LINGO2: variants seen among roughly 807,000 people sequenced by gnomAD.
The protein encoded by LINGO2 is leucine-rich repeat and immunoglobulin-like domain-containing nogo receptor-interacting protein 2.
Under a neutral mutation model 30.6 loss-of-function variants are expected in LINGO2, and 14 were observed. The observed-to-expected ratio is 0.46, with a 90% CI of 0.30 to 0.72. The LOEUF (loss-of-function observed/expected upper bound fraction) is 0.72, where lower values mean the gene tolerates loss of function less well. LINGO2 is among the 30% of genes least tolerant of loss of function. LINGO2 has a pLI of 0.07. For synonymous variants in LINGO2, 317 were observed against 288.5 expected (o/e 1.10, Z -1.00); for missense variants, 729 against 751.7 (o/e 0.97, Z 0.35).
the LINGO2 span, among the ~76,000 whole-genome samples, chr9:29,070,273 A>G: frequency 6.6e-6 from 1 of 152,152 alleles, no homozygotes; most frequent in African/African-American, 2.4e-5. Flanking sequence ...TCTACTGCCC[A>G]GTTAGATCTT....
the LINGO2 span, among the ~76,000 whole-genome samples, chr9:29,075,307 C>G: frequency 6.6e-6 from 1 of 152,074 alleles, no homozygotes; most frequent in African/African-American, 2.4e-5. Context: ...TAAGTGACAT[C>G]CAAGGTTTAA....
the LINGO2 span, among the ~76,000 whole-genome samples, chr9:29,147,684 A>G: frequency 5.3e-5 from 8 of 152,088 alleles, no homozygotes; most frequent in Non-Finnish European, 1.2e-4. Context: ...CTAGCTTGAT[A>G]AATTTGATAT....
intron 4 of LINGO2, among the ~76,000 whole-genome samples, chr9:28,048,238 G>A (rs1199609985): frequency 6.6e-6 from 1 of 150,844 alleles, no homozygotes; most frequent in Non-Finnish European, 1.5e-5. Flanking sequence ...ATAATCCACA[G>A]AAGAAACTCG....
the LINGO2 span, among the ~76,000 whole-genome samples, chr9:28,888,002 A>G: frequency 6.6e-6 from 1 of 152,126 alleles, no homozygotes. Context: ...TGTTTTGAAG[A>G]TAACATTTTG....
the LINGO2 span, among the ~76,000 whole-genome samples, chr9:29,001,211 G>A: frequency 8.6e-5 from 13 of 151,806 alleles, no homozygotes; most frequent in South Asian, 6.2e-4. Flanking sequence ...ATGAGATCTC[G>A]TTGTAGCCTT....
the LINGO2 span, among the ~76,000 whole-genome samples, chr9:28,707,250 GCC>G: frequency 6.6e-6 from 1 of 152,028 alleles, no homozygotes; most frequent in Admixed American, 6.6e-5. Context: ...AACTAGGAGG[GCC>G]CTAATAGAAT....
At chr9:28,701,439 G>A in the LINGO2 span, among the ~76,000 whole-genome samples, 16 of 151,678 alleles carry the variant, frequency 1.1e-4, no homozygotes, top group East Asian at 5.8e-4. Context: ...TTGTCTTTGC[G>A]CCTTAGTAAA....
chr9:28,040,807 A>AG (rs1308294614), intron 4 of LINGO2, among the ~76,000 whole-genome samples: 1 of 152,178 alleles, frequency 6.6e-6, no homozygotes, highest in Admixed American at 6.5e-5. Context: ...TTTTGAACCC[A>AG]GGGGTGTCTG....
chr9:28,746,879 G>A, the LINGO2 span, among the ~76,000 whole-genome samples: 3 of 151,842 alleles, frequency 2.0e-5, no homozygotes, highest in Non-Finnish European at 2.9e-5. Flanking sequence ...CTTACTTTAC[G>A]CCTTTGTGAA....
the LINGO2 span, among the ~76,000 whole-genome samples, chr9:29,089,611 T>A: frequency 9.3e-4 from 142 of 152,238 alleles, no homozygotes; most frequent in African/African-American, 3.2e-3. Flanking sequence ...TTTGAGGTCT[T>A]TGGCTTAATG....
chr9:28,410,159 CAGAGAA>C (rs200633846), intron 2 of LINGO2, among the ~76,000 whole-genome samples: 3,717 of 149,272 alleles, frequency 0.025, 82 homozygotes, highest in Middle Eastern at 0.042. Flanking sequence ...GAAAAAGTAA[CAGAGAA>C]AGAGAAAGAG....
chr9:27,968,772 A>T (rs2118718640), intron 5 of LINGO2, among the ~76,000 whole-genome samples: 2 of 152,022 alleles, frequency 1.3e-5, no homozygotes, highest in South Asian at 4.1e-4. Flanking sequence ...TAGCCACATT[A>T]TAAAGTTAGG....
chr9:28,239,538 T>A (rs192393951), intron 4 of LINGO2, among the ~76,000 whole-genome samples: 1 of 152,096 alleles, frequency 6.6e-6, no homozygotes, highest in Non-Finnish European at 1.5e-5. Context: ...ACAAAAACCA[T>A]AGATCATTTC....
chr9:28,637,864 A>T (rs945066806), intron 1 of LINGO2, among the ~76,000 whole-genome samples: 1 of 152,104 alleles, frequency 6.6e-6, no homozygotes, highest in Non-Finnish European at 1.5e-5. Context: ...CTATGTTGAA[A>T]AGGAATGGTG....
At chr9:29,126,076 A>G in the LINGO2 span, among the ~76,000 whole-genome samples, 1 of 152,244 alleles carries the variant, frequency 6.6e-6, no homozygotes, top group South Asian at 2.1e-4. Context: ...TTTTGGAACT[A>G]CTTTACCTCT....
chr9:28,143,472 G>A (rs1827730483), intron 4 of LINGO2, among the ~76,000 whole-genome samples: 1 of 152,134 alleles, frequency 6.6e-6, no homozygotes. Flanking sequence ...ACATCTGTCT[G>A]TTTCAAGTAG....
chr9:28,123,901 C>T (rs573498678), intron 4 of LINGO2, among the ~76,000 whole-genome samples: 6 of 152,268 alleles, frequency 3.9e-5, no homozygotes, highest in African/African-American at 1.2e-4. Flanking sequence ...TTCCTGACCT[C>T]ATGATCCACT....
the LINGO2 span, among the ~76,000 whole-genome samples, chr9:29,089,361 T>G: frequency 6.6e-6 from 1 of 151,918 alleles, no homozygotes; most frequent in Non-Finnish European, 1.5e-5. Flanking sequence ...TTCAAAGTTT[T>G]TGAGGTAATT....
intron 4 of LINGO2, among the ~76,000 whole-genome samples, chr9:28,277,343 G>A (rs1587374463): frequency 6.6e-6 from 1 of 152,246 alleles, no homozygotes; most frequent in East Asian, 1.9e-4. Flanking sequence ...AAATGTATGT[G>A]TTCTGACTGC....
Sources: gnomAD v4.1 joint callset for allele counts (sites outside exome capture counted in the v4.1 genomes callset) on GRCh38, gnomAD v4.1.1 for gene constraint, MANE v1.5 for transcripts, NCBI Gene and HGNC (gene_info 2026-07-23, HGNC 2026-07-21) for gene names.